MALRD1: variants seen among roughly 807,000 people sequenced by gnomAD.
MALRD1 encodes MAM and LDL-receptor class A domain-containing protein 1.
MALRD1 carries 247 observed loss-of-function variants against 242.1 expected under a neutral mutation model. That is an observed-to-expected ratio of 1.02 (90% confidence interval 0.92 to 1.13). The LOEUF is 1.13. MALRD1 is among the 50% of genes most tolerant of loss of function. MALRD1 has a pLI of 0.00. For synonymous variants in MALRD1, 995 were observed against 866.6 expected (o/e 1.15, Z -2.60); for missense variants, 2,989 against 2,533.1 (o/e 1.18, Z -3.86).
At chr10:19,531,116 C>A in intron 31 of MALRD1, 78 bp from the exon 32 acceptor site, 1 of 1,200,990 alleles carries the variant, frequency 8.3e-7, no homozygotes, top group Non-Finnish European at 1.1e-6. Context: ...AAAAAGATAT[C>A]TGTTAATAGT....
At chr10:19,312,504 G>A (rs897132449) in intron 21 of MALRD1, among the ~76,000 whole-genome samples, 9 of 150,318 alleles carry the variant, frequency 6.0e-5, no homozygotes, top group East Asian at 3.9e-4. Flanking sequence ...TGAAAGCATC[G>A]TAGTCTTTAA....
chr10:19,491,701 A>T, intron 30 of MALRD1, 56 bp downstream of exon 30: 1 of 1,518,404 alleles, frequency 6.6e-7, no homozygotes. Flanking sequence ...TTCCTTCATA[A>T]GTAGAGTTAG....
At chr10:19,494,147 C>T (rs1487063397) in intron 30 of MALRD1, among the ~76,000 whole-genome samples, 1 of 152,192 alleles carries the variant, frequency 6.6e-6, no homozygotes, top group Non-Finnish European at 1.5e-5. Flanking sequence ...GGCTGGATTA[C>T]ACCCCAAATC....
At chr10:19,171,471 TACACACACAC>T (rs1193030858) in intron 13 of MALRD1, among the ~76,000 whole-genome samples, 11 of 142,466 alleles carry the variant, frequency 7.7e-5, no homozygotes, top group Admixed American at 4.2e-4. Context: ...CACATGTATA[TACACACACAC>T]ATATATACAC....
intron 36 of MALRD1, among the ~76,000 whole-genome samples, chr10:19,691,841 T>C (rs905393039): frequency 6.6e-6 from 1 of 152,164 alleles, no homozygotes; most frequent in African/African-American, 2.4e-5. Flanking sequence ...GAAATAAATG[T>C]GTTCTTTGGT....
chr10:19,356,220 T>C (rs1218087959), intron 26 of MALRD1, among the ~76,000 whole-genome samples: 2 of 152,000 alleles, frequency 1.3e-5, no homozygotes, highest in South Asian at 2.1e-4. Flanking sequence ...ACATCTTTCT[T>C]GGAGAGGTAT....
At chr10:19,151,636 C>T (rs1412885935) in intron 11 of MALRD1, among the ~76,000 whole-genome samples, 2 of 151,986 alleles carry the variant, frequency 1.3e-5, no homozygotes, top group African/African-American at 2.4e-5. Flanking sequence ...AATAGTTGAA[C>T]CTTAAGTGCC....
intron 29 of MALRD1, among the ~76,000 whole-genome samples, chr10:19,473,970 C>A (rs1193813607): frequency 1.3e-5 from 2 of 152,154 alleles, no homozygotes; most frequent in Admixed American, 6.5e-5. Context: ...TTCTCCACAT[C>A]TTCACCAACA....
intron 14 of MALRD1, among the ~76,000 whole-genome samples, chr10:19,177,410 T>C (rs1399597125): frequency 6.6e-6 from 1 of 152,146 alleles, no homozygotes; most frequent in African/African-American, 2.4e-5. Flanking sequence ...TGAAAAGCAT[T>C]AAAGTTGACA....
chr10:19,398,553 C>A (rs544562331), intron 28 of MALRD1, among the ~76,000 whole-genome samples: 8 of 152,122 alleles, frequency 5.3e-5, no homozygotes, highest in Admixed American at 1.3e-4. Flanking sequence ...ACTACTAATA[C>A]CTGTGATCTG....
intron 12 of MALRD1, among the ~76,000 whole-genome samples, chr10:19,158,753 C>G (rs1431501589): frequency 6.6e-6 from 1 of 152,152 alleles, no homozygotes; most frequent in Non-Finnish European, 1.5e-5. Context: ...GGGATACTGA[C>G]AGCAATTCAG....
chr10:19,068,998 C>A (rs1222180210), intron 2 of MALRD1, among the ~76,000 whole-genome samples: 2 of 151,892 alleles, frequency 1.3e-5, no homozygotes, highest in African/African-American at 4.8e-5. Flanking sequence ...AATAGTAGTA[C>A]TACAACAAAA....
rs79964880 is a variant in MALRD1 at position 19,670,631 on chromosome 10, C to T, written c.6138-21651C>T. Among the ~76,000 whole-genome samples, 669 of 152,300 alleles carry T rather than the reference C, an allele frequency of 4.4e-3. 6 individuals are homozygous for T. The highest frequency in any genetic ancestry group is 0.015 in the African/African-American group (611 of 41,578). The stretch of plus-strand genomic sequence containing the variant: ...AAACTTCTTGAAAGAGTTGACCACA[C>T]TGCTGTTTCCAACTTGGTCCTCACA... On this transcript the variant is annotated intron_variant, in intron 36 of 39. Transcript: ENST00000454679.
intron 21 of MALRD1, among the ~76,000 whole-genome samples, chr10:19,305,915 TATATA>T (rs1408045192): frequency 7.6e-6 from 1 of 130,904 alleles, no homozygotes; most frequent in Non-Finnish European, 1.6e-5. Flanking sequence ...TATACTATAT[TATATA>T]TTATATGTAC....
chr10:19,279,904 A>T, intron 19 of MALRD1, 143 bp from the exon 20 acceptor site: 1 of 536,276 alleles, frequency 1.9e-6, no homozygotes, highest in Non-Finnish European at 3.0e-6. Context: ...CCTCGATTTT[A>T]TTTTAGCAGA....
At chr10:19,539,887 T>C (rs1336496591) in intron 32 of MALRD1, among the ~76,000 whole-genome samples, 2 of 82,362 alleles carry the variant, frequency 2.4e-5, no homozygotes, top group African/African-American at 4.7e-5. Context: ...TGTGTGTGTG[T>C]GTGTGTGTGT....
At chr10:19,141,662 A>G (rs1228620033) in intron 10 of MALRD1, among the ~76,000 whole-genome samples, 1 of 152,024 alleles carries the variant, frequency 6.6e-6, no homozygotes, top group East Asian at 1.9e-4. Context: ...AGTTGGCATG[A>G]TAGATACATC....
intron 29 of MALRD1, among the ~76,000 whole-genome samples, chr10:19,476,980 G>C (rs972643301): frequency 6.6e-6 from 1 of 151,564 alleles, no homozygotes; most frequent in Admixed American, 6.6e-5. Context: ...TTTTTTCCAG[G>C]TATTCCAACA....
Position 19,282,557 on chromosome 10 carries a change from A to G in MALRD1, c.3257-462A>G, listed in dbSNP as rs56355757. Among the ~76,000 whole-genome samples the G allele has an allele frequency of 5.7e-3, 864 of 152,302 alleles. 13 individuals carry two copies. Among genetic ancestry groups the G allele is most frequent in the African/African-American group, 0.02 (832 of 41,562 alleles). ...TTTCCTGTGATATTAGAATAAAATT[A>G]TTACAAGAATCTGTAAAACTTTATA... is the stretch of plus-strand genomic sequence containing the variant. On this transcript the variant is annotated intron_variant, in intron 20 of 39. Transcript: ENST00000454679.
Sources: allele counts gnomAD v4.1 joint callset (sites outside exome capture counted in the v4.1 genomes callset), GRCh38; gene constraint gnomAD v4.1.1; transcripts MANE v1.5; gene names NCBI Gene and HGNC (gene_info 2026-07-23, HGNC 2026-07-21).